The following CPA6 variants were observed in gnomAD, a reference collection of about 807,000 sequenced individuals.
The protein encoded by CPA6 is carboxypeptidase B.
In CPA6, 58 loss-of-function variants were observed where a neutral mutation model predicts 63.3. The observed-to-expected ratio is 0.92, with a 90% confidence interval of 0.74 to 1.14. The LOEUF (loss-of-function observed/expected upper bound fraction) is 1.14. Ranked by LOEUF, CPA6 falls within the 50% of genes most tolerant of loss-of-function variation. CPA6 has a pLI of 0.00. For synonymous variants in CPA6, 185 were observed against 179.0 expected (o/e 1.03, Z -0.27); for missense variants, 565 against 526.6 (o/e 1.07, Z -0.71).
chr8:67,665,503 C>A (rs1177543356), intron 1 of CPA6, among the ~76,000 whole-genome samples: 1 of 152,176 alleles, frequency 6.6e-6, no homozygotes, highest in Admixed American at 6.5e-5. Flanking sequence ...TGGGGCATAA[C>A]TATTCTGAAA....
At chr8:67,651,486 T>A (rs1056085214) in intron 1 of CPA6, among the ~76,000 whole-genome samples, 4 of 152,152 alleles carry the variant, frequency 2.6e-5, no homozygotes, top group Non-Finnish European at 5.9e-5. Flanking sequence ...ATATTTTATT[T>A]GTATTGTTGT....
In CPA6 at chr8:67,483,866, T is replaced by A; in HGVS notation, c.748-8A>T. 2 of 1,610,600 alleles carry A rather than the reference T, an allele frequency of 1.2e-6. No homozygotes were observed. Among genetic ancestry groups the A allele is most frequent in the Non-Finnish European group, 8.5e-7 (1 of 1,176,896 alleles). Reference sequence around the variant, plus strand: ...TTTTCTCCAAAATCGATCCTAGACATAATTAAGAAAACAGGTGCTGAGAAA... The same window carrying A: ...TTTTCTCCAAAATCGATCCTAGACAAAATTAAGAAAACAGGTGCTGAGAAA... On this transcript the variant is annotated splice_polypyrimidine_tract_variant and splice_region_variant and intron_variant, in intron 7 of 10. Coordinates refer to ENST00000297770, the MANE Select transcript of CPA6 (RefSeq NM_020361.5).
chr8:67,440,850 T>C (rs1810277723), intron 8 of CPA6, among the ~76,000 whole-genome samples: 1 of 152,186 alleles, frequency 6.6e-6, no homozygotes, highest in Non-Finnish European at 1.5e-5. Context: ...GACAAAAACA[T>C]TGTCATGTGG....
chr8:67,495,512 T>A (rs1811692792), intron 6 of CPA6, among the ~76,000 whole-genome samples: 1 of 152,166 alleles, frequency 6.6e-6, no homozygotes. Flanking sequence ...TTTTTTCACT[T>A]TCCATTCCTA....
intron 1 of CPA6, among the ~76,000 whole-genome samples, chr8:67,624,761 G>T (rs758502586): frequency 1.3e-5 from 2 of 152,182 alleles, no homozygotes; most frequent in Non-Finnish European, 2.9e-5. Context: ...CATTTCTCTG[G>T]TACAGAGCTT....
intron 8 of CPA6, among the ~76,000 whole-genome samples, chr8:67,455,805 C>T (rs1393341842): frequency 6.6e-6 from 1 of 151,584 alleles, no homozygotes; most frequent in Non-Finnish European, 1.5e-5. Flanking sequence ...GACACCAACT[C>T]CTGGGCTTAG....
chr8:67,500,971 G>T (rs548884377), intron 6 of CPA6, among the ~76,000 whole-genome samples: 17 of 152,058 alleles, frequency 1.1e-4, no homozygotes, highest in Non-Finnish European at 2.2e-4. Flanking sequence ...TAGGTATATA[G>T]TATGTCTTGA....
chr8:67,474,793 T>C (rs962759305), intron 8 of CPA6, among the ~76,000 whole-genome samples: 2 of 152,072 alleles, frequency 1.3e-5, no homozygotes, highest in Non-Finnish European at 2.9e-5. Flanking sequence ...CTGGGCAATA[T>C]AGTGAGACTC....
chr8:67,443,126 G>A (rs1379257529), intron 8 of CPA6, among the ~76,000 whole-genome samples: 1 of 151,294 alleles, frequency 6.6e-6, no homozygotes, highest in Non-Finnish European at 1.5e-5. Context: ...GTGGTGGCAT[G>A]ATCTTGGCTC....
At chr8:67,552,600 C>T (rs543477103) in intron 2 of CPA6, among the ~76,000 whole-genome samples, 84 of 151,654 alleles carry the variant, frequency 5.5e-4, no homozygotes, top group South Asian at 1.7e-3. Flanking sequence ...AGTGAAACCC[C>T]GCCTCTACTA....
intron 2 of CPA6, among the ~76,000 whole-genome samples, chr8:67,584,500 A>AATGTT (rs1158838465): frequency 2.0e-5 from 3 of 152,142 alleles, no homozygotes; most frequent in Admixed American, 2.0e-4. Context: ...CTTGACGGAG[A>AATGTT]ATGTTATGAT....
intron 6 of CPA6, among the ~76,000 whole-genome samples, chr8:67,493,072 G>A (rs1811640050): frequency 6.6e-6 from 1 of 152,098 alleles, no homozygotes; most frequent in African/African-American, 2.4e-5. Flanking sequence ...CATATGATGA[G>A]CTGTTTTCCA....
chr8:67,448,738 T>C (rs2128955401), intron 8 of CPA6, among the ~76,000 whole-genome samples: 1 of 151,590 alleles, frequency 6.6e-6, no homozygotes, highest in Admixed American at 6.6e-5. Context: ...TTCCCTATCC[T>C]TAAAGATTAT....
chr8:67,426,255 C>T lies in CPA6; in HGVS notation c.1126+1792G>A, dbSNP rs150206653. ...AAGTGCTAGGATTGCAGGCGTGAGCCGCCGCATCCGGCCAACAGCCTCATT... is the reference window on the plus strand; with the variant it reads ...AAGTGCTAGGATTGCAGGCGTGAGCTGCCGCATCCGGCCAACAGCCTCATT... On this transcript the variant is annotated intron_variant, in intron 10 of 10. Coordinates refer to ENST00000297770, the MANE Select transcript of CPA6 (RefSeq NM_020361.5). 5.3e-4 allele frequency among the ~76,000 whole-genome samples: 80 copies of T among 152,328 alleles called. No individual in the cohort carries two copies. The East Asian group carries it at 0.01, about 20-fold the overall frequency.
chr8:67,440,295 G>A (rs776517409), intron 8 of CPA6, among the ~76,000 whole-genome samples: 4 of 152,116 alleles, frequency 2.6e-5, no homozygotes, highest in Non-Finnish European at 4.4e-5. Flanking sequence ...CTGAGGCCAG[G>A]TATGGTGACT....
At chr8:67,595,780 G>A (rs990976610) in intron 2 of CPA6, among the ~76,000 whole-genome samples, 11 of 152,036 alleles carry the variant, frequency 7.2e-5, no homozygotes, top group Middle Eastern at 3.4e-3. Context: ...TCCAGGTGCC[G>A]TCTGTCACCC....
At chr8:67,448,820 G>C (rs1810493169) in intron 8 of CPA6, among the ~76,000 whole-genome samples, 1 of 151,580 alleles carries the variant, frequency 6.6e-6, no homozygotes. Context: ...TAATCCTTCT[G>C]GATTTATTTT....
chr8:67,611,028 G>T (rs1279072791), intron 2 of CPA6, among the ~76,000 whole-genome samples: 1 of 151,344 alleles, frequency 6.6e-6, no homozygotes, highest in South Asian at 2.1e-4. Flanking sequence ...TTTTTTGGTA[G>T]GTAGAAGGAT....
At chr8:67,526,788 A>G (rs940588978) in intron 2 of CPA6, among the ~76,000 whole-genome samples, 2 of 152,100 alleles carry the variant, frequency 1.3e-5, no homozygotes, top group African/African-American at 4.8e-5. Flanking sequence ...TAGCATCAAC[A>G]CACCACTACC....
Sources: gnomAD v4.1 joint callset for allele counts (sites outside exome capture counted in the v4.1 genomes callset) on GRCh38, gnomAD v4.1.1 for gene constraint, MANE v1.5 for transcripts, NCBI Gene and HGNC (gene_info 2026-07-23, HGNC 2026-07-21) for gene names.